ZNF536: variants seen among roughly 807,000 people sequenced by gnomAD.
ZNF536 encodes zinc finger protein 536.
A neutral mutation model predicts 84.5 loss-of-function variants in ZNF536; 13 were observed. The observed-to-expected ratio is 0.15, with a 90% confidence interval of 0.10 to 0.24. The LOEUF (loss-of-function observed/expected upper bound fraction) is 0.24. Ranked by LOEUF, ZNF536 falls within the 10% of genes least tolerant of loss-of-function variation. The pLI is 1.00. For missense variants in ZNF536, 1,536 were observed against 1,747.5 expected (o/e 0.88, Z 2.16); for synonymous variants, 811 against 742.5 (o/e 1.09, Z -1.50).
In ZNF536 at chr19:30,293,870, G is replaced by T. The variant is rs146532850; in HGVS notation, c.-120+9729G>T. ...GGAAGAAGGGGTGAGGGTGGCAGTT[G>T]CTTTGTGCCTGAGAAGAGGCAGGAG... On this transcript the variant is annotated intron_variant, in intron 2 of 5. Coordinates refer to the ZNF536 transcript ENST00000585628. Among the ~76,000 whole-genome samples, 1,434 of 152,306 alleles carry T rather than the reference G, an allele frequency of 9.4e-3. 15 individuals carry two copies. Among genetic ancestry groups the T allele is most frequent in the Non-Finnish European group, 0.012 (836 of 68,024 alleles).
chr19:30,248,966 G>A (rs765858367), intron 1 of ZNF536, among the ~76,000 whole-genome samples: 2 of 152,288 alleles, frequency 1.3e-5, no homozygotes, highest in East Asian at 1.9e-4. Context: ...TGCCAAACGG[G>A]GGTTTAACCT....
chr19:30,232,392 T>G (rs1568509196), intron 1 of ZNF536, among the ~76,000 whole-genome samples: 2 of 151,876 alleles, frequency 1.3e-5, no homozygotes, highest in Non-Finnish European at 2.9e-5. Context: ...ACCCAGGTAG[T>G]GAGCATGGCA....
At chr19:30,370,766 G>A (rs1029183044), upstream of ZNF536, among the ~76,000 whole-genome samples, 1 of 152,140 alleles carries the variant, frequency 6.6e-6, no homozygotes, top group African/African-American at 2.4e-5. Flanking sequence ...TGATTAATCA[G>A]GTACGGGGGA....
rs2045290960 is a variant in ZNF536 at position 30,277,776 on chromosome 19, C to T, written c.-189-6296C>T. On this transcript the variant is annotated intron_variant, in intron 1 of 5. Transcript: ENST00000585628. ...TGGGCTAATGGGTTTTGGGAAAGAT[C>T]TTGCCAAGTTTCTAGTGCTTGTCCT... Among the ~76,000 whole-genome samples, 3 of 152,242 alleles carry T rather than the reference C, an allele frequency of 2.0e-5. 1 individual carries two copies. Among genetic ancestry groups the T allele is most frequent in the Admixed American group, 2.0e-4 (3 of 15,288 alleles).
intron 4 of ZNF536, among the ~76,000 whole-genome samples, chr19:30,552,320 G>T (rs2045814322): frequency 6.6e-6 from 1 of 152,180 alleles, no homozygotes; most frequent in African/African-American, 2.4e-5. Context: ...GATGGATAAA[G>T]TTGAGGGCTG....
In ZNF536 at chr19:30,440,937, A is replaced by AGATAGATT. The variant is rs1480139169; in HGVS notation, c.-2-2621_-2-2620insAGATTGAT. ...TAGATAGATAGATAGATAGATAGAT[A>AGATAGATT]GATTTGAAAAAAATAAAAGAATTCC... On this transcript the variant is annotated intron_variant, in intron 1 of 4. Coordinates refer to ENST00000355537, the MANE Select transcript of ZNF536 (RefSeq NM_014717.3). Among the ~76,000 whole-genome samples the AGATAGATT allele has an allele frequency of 8.3e-4, 120 of 144,808 alleles. 1 individual carries two copies. The highest frequency in any genetic ancestry group is 3.1e-3 in the African/African-American group (116 of 37,964). The allele number at this position is 144,808 out of a possible 152,430, so 95.0% of individuals were successfully genotyped here.
At chr19:30,677,612 G>A (rs1379319995) in intron 1 of ZNF536, among the ~76,000 whole-genome samples, 2 of 152,226 alleles carry the variant, frequency 1.3e-5, no homozygotes, top group Non-Finnish European at 2.9e-5. Context: ...GACCTCTTGG[G>A]TCCTGTCTAG....
intron 2 of ZNF536, among the ~76,000 whole-genome samples, chr19:30,289,501 G>C (rs1446011750): frequency 1.3e-5 from 2 of 152,182 alleles, no homozygotes; most frequent in Non-Finnish European, 2.9e-5. Context: ...ACCACCCCGG[G>C]GGCCCCCGTG....
At chr19:30,497,333 T>C (rs575658551) in intron 2 of ZNF536, among the ~76,000 whole-genome samples, 5 of 152,298 alleles carry the variant, frequency 3.3e-5, no homozygotes, top group African/African-American at 9.6e-5. Flanking sequence ...AGGCTTCCCA[T>C]TGGCTGGGTC....
At chr19:30,420,902 A>G (rs1165383409) in intron 1 of ZNF536, among the ~76,000 whole-genome samples, 1 of 152,190 alleles carries the variant, frequency 6.6e-6, no homozygotes, top group Non-Finnish European at 1.5e-5. Context: ...TACAACTAGA[A>G]CTTTAGCCTG....
intron 1 of ZNF536, among the ~76,000 whole-genome samples, chr19:30,676,092 G>T (rs1258640090): frequency 6.6e-6 from 1 of 152,054 alleles, no homozygotes; most frequent in East Asian, 1.9e-4. Context: ...AACTCCCGGG[G>T]TCAAGAGATC....
chr19:30,606,215 AAT>A (rs59106713), intron 1 of ZNF536, among the ~76,000 whole-genome samples: 27,600 of 105,336 alleles, frequency 0.26, 3,907 homozygotes, highest in East Asian at 0.48. Context: ...AATAAAATAA[AAT>A]ATAAAATAAA....
chr19:30,228,068 G>C (rs1183888116), upstream of ZNF536, among the ~76,000 whole-genome samples: 5 of 151,964 alleles, frequency 3.3e-5, no homozygotes, highest in Non-Finnish European at 5.9e-5. This position sits in a 1 kb window ranked among gnomAD's most constrained non-coding sequence, Gnocchi z 4.5. Flanking sequence ...GCGTGCGTGT[G>C]TGTGTGTGGA....
intron 1 of ZNF536, among the ~76,000 whole-genome samples, chr19:30,661,629 G>A (rs994116833): frequency 5.3e-5 from 8 of 152,196 alleles, no homozygotes; most frequent in African/African-American, 1.9e-4. Flanking sequence ...TTTCGCATAA[G>A]GATATTAATC....
intron 1 of ZNF536, among the ~76,000 whole-genome samples, chr19:30,700,987 G>A (rs774567205): frequency 6.6e-5 from 10 of 152,130 alleles, no homozygotes; most frequent in South Asian, 2.1e-4. Context: ...GAACTGATGC[G>A]GAGGCTGCTT....
chr19:30,279,163 GTCT>G (rs1375453805), intron 1 of ZNF536, among the ~76,000 whole-genome samples: 2 of 152,180 alleles, frequency 1.3e-5, no homozygotes, highest in African/African-American at 4.8e-5. Context: ...CCTTAGAGAG[GTCT>G]TCTCTGATTG....
intron 1 of ZNF536, among the ~76,000 whole-genome samples, chr19:30,431,464 A>T (rs1327398167): frequency 2.6e-5 from 4 of 152,176 alleles, no homozygotes; most frequent in Non-Finnish European, 4.4e-5. Flanking sequence ...GATGATGTGT[A>T]TCTGAGCTTA....
chr19:30,259,541 A>G (rs1362254638), intron 1 of ZNF536, among the ~76,000 whole-genome samples: 1 of 152,156 alleles, frequency 6.6e-6, no homozygotes, highest in Admixed American at 6.5e-5. Context: ...GGTGACTCTG[A>G]TGCGTACTGA....
intron 2 of ZNF536, among the ~76,000 whole-genome samples, chr19:30,513,378 C>T (rs756880561): frequency 6.6e-6 from 1 of 152,046 alleles, no homozygotes; most frequent in Non-Finnish European, 1.5e-5. Flanking sequence ...GTGCAACGAC[C>T]CTGCAGGACA....
Sources: gnomAD v4.1 joint callset for allele counts (sites outside exome capture counted in the v4.1 genomes callset) on GRCh38, gnomAD v4.1.1 for gene constraint, Gnocchi (gnomAD v3.1) non-coding constraint, MANE v1.5 for transcripts, NCBI Gene and HGNC (gene_info 2026-07-23, HGNC 2026-07-21) for gene names.